Variants in TTC17 observed in about 807,000 individuals in gnomAD.
TTC17 encodes the protein tetratricopeptide repeat protein 17.
TTC17 carries 58 observed loss-of-function variants against 143.8 expected under a neutral mutation model. That is an observed-to-expected ratio of 0.40 (90% CI 0.33 to 0.50). TTC17 has a LOEUF of 0.50. Ranked by LOEUF, TTC17 falls within the 20% of genes least tolerant of loss-of-function variation. TTC17 has a pLI of 0.49. For synonymous variants in TTC17, 501 were observed against 497.8 expected, an observed-to-expected ratio of 1.01 and a Z score of -0.09; for missense variants, 1,273 against 1,392.5, an observed-to-expected ratio of 0.91 and a Z score of 1.37.
rs772906929 is a variant in TTC17 at position 43,398,063 on chromosome 11, T to C, written c.1008T>C (p.His336=). 6.2e-7 allele frequency: 1 copy of C among 1,614,066 alleles called. No homozygotes were observed. The change falls in exon 8 of 24, where the codon CAT becomes CAC. Residue 336 remains histidine, a synonymous_variant. Transcript: ENST00000039989. ...TTGAGCAAGCTATAAAGAGGAAGCATGCTGTCCTATGTCAGCAAAAACTGG... is the reference window on the plus strand; with the variant it reads ...TTGAGCAAGCTATAAAGAGGAAGCACGCTGTCCTATGTCAGCAAAAACTGG... ...PGFEQAIKRK[H]AVLCQQKLEQ... is the part of the protein sequence containing the mutation.
At chr11:43,389,006 G>A (rs1015699814) in intron 2 of TTC17, among the ~76,000 whole-genome samples, 22 of 151,474 alleles carry the variant, frequency 1.5e-4, no homozygotes, top group East Asian at 3.9e-4. Context: ...TGGGCATGTG[G>A]GACATGCCTG....
At chr11:43,365,310 T>G (rs1856289733) in intron 1 of TTC17, among the ~76,000 whole-genome samples, 1 of 151,982 alleles carries the variant, frequency 6.6e-6, no homozygotes, top group African/African-American at 2.4e-5. Context: ...ACCATGTTGC[T>G]CAGGCTGGAA....
rs1419695793 is a variant in TTC17 at position 43,396,030 on chromosome 11, A to G, written c.664-679A>G. On this transcript the variant is annotated intron_variant, in intron 5 of 23. Transcript: ENST00000039989. ...TTTAAAGCTTTTTACATACATGTCA[A>G]ATTGTCCCCCAGAAATGCTATAGTA... The G allele has an allele frequency of 2.6e-5, 4 of 152,106 alleles. No homozygotes were observed. In the East Asian group the frequency reaches 5.8e-4, roughly 22 times the overall value. 9.4% of individuals were successfully genotyped at this position (152,106 alleles called of 1,614,324 possible). A position where few individuals can be genotyped will look rare whatever the true frequency, so the allele number is the denominator to read the frequency against.
intron 22 of TTC17, 151 bp from the exon 23 acceptor site, chr11:43,491,869 G>A: frequency 1.1e-6 from 1 of 907,234 alleles, no homozygotes; most frequent in Non-Finnish European, 1.7e-6. Flanking sequence ...ATCTATCACA[G>A]ACCAGTAGCA....
chr11:43,391,665 T>G, intron 4 of TTC17, 89 bp downstream of exon 4: 1 of 1,266,192 alleles, frequency 7.9e-7, no homozygotes, highest in Admixed American at 2.6e-5. Context: ...TTCTCTTTCT[T>G]CTCTCCTTCC....
chr11:43,440,826 T>G (rs1368037755), intron 16 of TTC17, among the ~76,000 whole-genome samples: 1 of 152,220 alleles, frequency 6.6e-6, no homozygotes, highest in Non-Finnish European at 1.5e-5. Flanking sequence ...TACCTTTTCC[T>G]CAGTATCTTA....
At chr11:43,475,839 T>A (rs571272761) in intron 21 of TTC17, among the ~76,000 whole-genome samples, 1 of 152,342 alleles carries the variant, frequency 6.6e-6, no homozygotes, top group Non-Finnish European at 1.5e-5. Flanking sequence ...TTGATAGTGT[T>A]CTTCTGAGAT....
At chr11:43,425,332 A>AT (rs939414212) in intron 16 of TTC17, among the ~76,000 whole-genome samples, 3 of 151,674 alleles carry the variant, frequency 2.0e-5, no homozygotes, top group South Asian at 2.1e-4. Context: ...GAAAAAAAAA[A>AT]TTTTTTTTTA....
intron 10 of TTC17, among the ~76,000 whole-genome samples, 176 bp from the exon 11 acceptor site, chr11:43,403,822 A>G (rs748232630): frequency 6.6e-6 from 1 of 152,220 alleles, no homozygotes; most frequent in Non-Finnish European, 1.5e-5. Flanking sequence ...TGTATTATCC[A>G]TGAAAGAATA....
At chr11:43,446,258 C>A in intron 18 of TTC17, 1 of 1,018,206 alleles carries the variant, frequency 9.8e-7, no homozygotes, top group Non-Finnish European at 1.2e-6. Flanking sequence ...TATCACTCAT[C>A]CTTAAACTTC....
At chr11:43,393,174 T>A (rs948642400) in intron 5 of TTC17, among the ~76,000 whole-genome samples, 1 of 152,184 alleles carries the variant, frequency 6.6e-6, no homozygotes, top group Admixed American at 6.5e-5. Flanking sequence ...TGACACTAAC[T>A]ACCTGGAGTT....
chr11:43,398,602 C>T (rs777881778), intron 8 of TTC17, among the ~76,000 whole-genome samples: 1 of 152,074 alleles, frequency 6.6e-6, no homozygotes, highest in Non-Finnish European at 1.5e-5. Context: ...ATTTGGCCCA[C>T]GTTTTAATCA....
intron 21 of TTC17, among the ~76,000 whole-genome samples, chr11:43,478,287 A>G (rs1265047761): frequency 1.3e-5 from 2 of 152,220 alleles, no homozygotes; most frequent in Non-Finnish European, 2.9e-5. Flanking sequence ...GCTCATTTAG[A>G]TTGTGATTCA....
chr11:43,465,237 A>G (rs1367492734), intron 21 of TTC17, among the ~76,000 whole-genome samples: 2 of 152,228 alleles, frequency 1.3e-5, no homozygotes, highest in Admixed American at 1.3e-4. Context: ...TTGCCAAGCT[A>G]AAGAATGTAT....
intron 16 of TTC17, among the ~76,000 whole-genome samples, chr11:43,426,376 T>C (rs1042320942): frequency 1.3e-5 from 2 of 152,196 alleles, no homozygotes; most frequent in East Asian, 1.9e-4. Context: ...GTAACAAAAA[T>C]ACATAATATC....
Position 43,405,636 on chromosome 11 carries a change from G to C in TTC17, c.1595+7G>C, listed in dbSNP as rs1340950435. The C allele has an allele frequency of 1.2e-6, 2 of 1,613,680 alleles. No homozygotes were observed. The highest frequency in any genetic ancestry group is 2.2e-5 in the South Asian group (2 of 91,070). ...CGGAAAACAAAGGACTCAGGCAAGT[G>C]GTGATGGATTTGGCAAAGCACCTGA... On this transcript the variant is annotated splice_region_variant and intron_variant, in intron 12 of 23. Coordinates refer to ENST00000039989, the MANE Select transcript of TTC17 (RefSeq NM_018259.6).
chr11:43,415,194 T>G (rs1159747287), intron 16 of TTC17, among the ~76,000 whole-genome samples: 2 of 152,194 alleles, frequency 1.3e-5, no homozygotes, highest in East Asian at 3.9e-4. Context: ...TTGTCTTTCA[T>G]TGAAGGTGAT....
At chr11:43,364,072 T>G (rs1856232991) in intron 1 of TTC17, among the ~76,000 whole-genome samples, 1 of 148,686 alleles carries the variant, frequency 6.7e-6, no homozygotes, top group East Asian at 1.9e-4. Context: ...TTTTTTTTTT[T>G]TGAGACGGAG....
chr11:43,446,655 G>T, intron 18 of TTC17: 1 of 984,910 alleles, frequency 1.0e-6, no homozygotes, highest in Non-Finnish European at 1.2e-6. Flanking sequence ...CTAAACCCCT[G>T]CCTGTACCTC....
Sources: allele counts gnomAD v4.1 joint callset (sites outside exome capture counted in the v4.1 genomes callset), GRCh38; gene constraint gnomAD v4.1.1; transcripts MANE v1.5; gene names NCBI Gene and HGNC (gene_info 2026-07-23, HGNC 2026-07-21).